The following CDH9 variants were observed in gnomAD, a reference collection of about 807,000 sequenced individuals.
CDH9 encodes the protein cadherin-9.
In CDH9, 28 loss-of-function variants were observed where a neutral mutation model predicts 70.9. The observed-to-expected ratio is 0.40, with a 90% confidence interval of 0.29 to 0.54. The LOEUF is 0.54. CDH9 is among the 20% of genes least tolerant of loss of function. The pLI, the probability that CDH9 is intolerant of heterozygous loss-of-function variation, is 0.59. For missense variants in CDH9, 874 were observed against 984.4 expected, an observed-to-expected ratio of 0.89 and a Z score of 1.50; for synonymous variants, 409 against 343.1, an observed-to-expected ratio of 1.19 and a Z score of -2.12.
intron 2 of CDH9, among the ~76,000 whole-genome samples, chr5:26,975,587 G>A (rs1742291961): frequency 6.6e-6 from 1 of 152,168 alleles, no homozygotes; most frequent in Non-Finnish European, 1.5e-5. Context: ...ATTGTGCTGT[G>A]TTTCTCAAAA....
At chr5:26,916,770 A>G (rs1741157129) in intron 2 of CDH9, among the ~76,000 whole-genome samples, 1 of 151,818 alleles carries the variant, frequency 6.6e-6, no homozygotes, top group South Asian at 2.1e-4. Flanking sequence ...AGAGAGAAAG[A>G]GATTTGTAAT....
At chr5:26,897,305 C>T (rs1465853441) in intron 7 of CDH9, among the ~76,000 whole-genome samples, 2 of 152,012 alleles carry the variant, frequency 1.3e-5, no homozygotes, top group East Asian at 3.9e-4. Flanking sequence ...AGGGACTCTC[C>T]CCAATTCATT....
intron 3 of CDH9, among the ~76,000 whole-genome samples, chr5:26,909,422 T>G (rs1046738227): frequency 6.6e-6 from 1 of 151,802 alleles, no homozygotes; most frequent in Non-Finnish European, 1.5e-5. Flanking sequence ...AATATTTTAT[T>G]TTCATATTAA....
intron 1 of CDH9, among the ~76,000 whole-genome samples, chr5:26,993,430 G>A (rs1742613852): frequency 6.6e-6 from 1 of 152,010 alleles, no homozygotes; most frequent in South Asian, 2.1e-4. Flanking sequence ...AAATTGTTTA[G>A]CAAGAATAAA....
At chr5:26,973,716 C>A (rs2112076210) in intron 2 of CDH9, among the ~76,000 whole-genome samples, 1 of 152,104 alleles carries the variant, frequency 6.6e-6, no homozygotes, top group South Asian at 2.1e-4. Flanking sequence ...GATTTCCTTT[C>A]TTTTTGTGTT....
intron 3 of CDH9, among the ~76,000 whole-genome samples, 169 bp downstream of exon 3, chr5:26,915,461 A>G (rs1741132013): frequency 6.6e-6 from 1 of 152,042 alleles, no homozygotes; most frequent in Non-Finnish European, 1.5e-5. Context: ...TAACAGGAGA[A>G]TTAAGATATA....
intron 7 of CDH9, among the ~76,000 whole-genome samples, chr5:26,895,873 A>G (rs1286992384): frequency 6.6e-6 from 1 of 151,996 alleles, no homozygotes; most frequent in East Asian, 1.9e-4. Flanking sequence ...GTAGCAAACA[A>G]AACAGTCCCA....
At chr5:26,900,655 G>A (rs1740839450) in intron 7 of CDH9, among the ~76,000 whole-genome samples, 1 of 152,044 alleles carries the variant, frequency 6.6e-6, no homozygotes, top group African/African-American at 2.4e-5. Context: ...TTGATATGAT[G>A]TCATTGTTTA....
intron 1 of CDH9, among the ~76,000 whole-genome samples, chr5:26,990,018 A>C (rs954777885): frequency 1.3e-5 from 2 of 152,200 alleles, no homozygotes; most frequent in Non-Finnish European, 2.9e-5. Flanking sequence ...TCATGCAAGT[A>C]ATAAGTATTA....
rs1170089519 is a variant in CDH9, at chr5:26,890,285, A to C, written c.1390+143T>G. ...TGATAATCCTTAAAAATAATTTAAA[A>C]ATGTGTTGATATTCTAAGCCATTTC... On this transcript the variant is annotated intron_variant, in intron 8 of 11. Coordinates refer to ENST00000231021, the MANE Select transcript of CDH9 (RefSeq NM_016279.4). The C allele has an allele frequency of 4.4e-6, 3 of 674,464 alleles. No individual in the cohort carries two copies. The East Asian group carries it at 7.9e-5, about 18-fold the overall frequency. The allele number at this position is 674,464 out of a possible 1,614,324, so 41.8% of individuals were successfully genotyped here.
chr5:26,893,984 TA>T (rs1206383568), intron 7 of CDH9, among the ~76,000 whole-genome samples: 2 of 152,028 alleles, frequency 1.3e-5, no homozygotes. Flanking sequence ...GAAAAGCAAA[TA>T]AAGTCATTGG....
At chr5:26,915,386 G>A (rs1307725576) in intron 3 of CDH9, among the ~76,000 whole-genome samples, 2 of 151,876 alleles carry the variant, frequency 1.3e-5, no homozygotes, top group Non-Finnish European at 2.9e-5. Context: ...GTAGAGTTGA[G>A]GGTATTGATT....
chr5:26,914,936 G>A (rs1375850791), intron 3 of CDH9, among the ~76,000 whole-genome samples: 1 of 151,936 alleles, frequency 6.6e-6, no homozygotes, highest in Non-Finnish European at 1.5e-5. Context: ...TATTAATAGA[G>A]TTAAATGTAG....
rs896823298 is a variant in CDH9 at position 27,015,885 on chromosome 5, T to C, written c.-50+22578A>G. Among the ~76,000 whole-genome samples, 20 of 151,838 alleles carry C rather than the reference T, an allele frequency of 1.3e-4. No homozygotes were observed. In the East Asian group the frequency reaches 3.5e-3, roughly 27 times the overall value. On this transcript the variant is annotated intron_variant, in intron 1 of 11. Transcript: ENST00000231021. ...TGTCATTATCTCCTGATAATGACAA[T>C]GAAAAATTATTTTTAGTTGATGATT... is the stretch of plus-strand genomic sequence containing the variant.
intron 2 of CDH9, among the ~76,000 whole-genome samples, chr5:26,969,772 T>C (rs1742186433): frequency 6.6e-6 from 1 of 151,904 alleles, no homozygotes; most frequent in Non-Finnish European, 1.5e-5. Context: ...TCAATGTTCA[T>C]TAATTCTGTT....
chr5:26,950,386 T>C (rs1045825797), intron 2 of CDH9, among the ~76,000 whole-genome samples: 3 of 152,200 alleles, frequency 2.0e-5, no homozygotes, highest in Non-Finnish European at 2.9e-5. Flanking sequence ...TGATAATTCA[T>C]TTATAGTATT....
chr5:26,916,093 C>T (rs1165748147), intron 2 of CDH9, among the ~76,000 whole-genome samples, 169 bp from the exon 3 acceptor site: 3 of 151,874 alleles, frequency 2.0e-5, no homozygotes, highest in Non-Finnish European at 4.4e-5. Flanking sequence ...GTTCTTATTA[C>T]ACTCAAAATT....
chr5:26,949,382 A>C (rs1741807033), intron 2 of CDH9, among the ~76,000 whole-genome samples: 1 of 152,226 alleles, frequency 6.6e-6, no homozygotes, highest in Admixed American at 6.5e-5. Flanking sequence ...AAAATGTAAT[A>C]AGTTGAAATG....
intron 1 of CDH9, among the ~76,000 whole-genome samples, chr5:27,000,342 A>T (rs1287124652): frequency 6.6e-6 from 1 of 152,188 alleles, no homozygotes; most frequent in East Asian, 1.9e-4. Context: ...CTGAATGGTG[A>T]AAATCCAAAA....
Sources: allele counts gnomAD v4.1 joint callset (sites outside exome capture counted in the v4.1 genomes callset), GRCh38; gene constraint gnomAD v4.1.1; transcripts MANE v1.5; gene names NCBI Gene and HGNC (gene_info 2026-07-23, HGNC 2026-07-21).